PIK3R1: variants seen among roughly 807,000 people sequenced by gnomAD.
PIK3R1 encodes the protein phosphoinositide-3-kinase regulatory subunit 1, also known as phosphatidylinositol 3-kinase regulatory subunit alpha.
PIK3R1 carries 29 observed loss-of-function variants against 98.0 expected under a neutral mutation model. That is an observed-to-expected ratio of 0.30 (90% CI 0.22 to 0.40). The LOEUF is 0.40. PIK3R1 is among the 10% of genes least tolerant of loss of function. The pLI is 1.00. For synonymous variants in PIK3R1, 282 were observed against 311.8 expected (o/e 0.90, Z 1.01); for missense variants, 596 against 872.7 (o/e 0.68, Z 3.99).
chr5:68,264,063 A>G (rs1285290597), intron 2 of PIK3R1, among the ~76,000 whole-genome samples: 1 of 152,258 alleles, frequency 6.6e-6, no homozygotes, highest in Non-Finnish European at 1.5e-5. Context: ...TAAGTTAGCC[A>G]GCTATATTTA....
At chr5:68,292,541 C>T (rs900522729) in intron 8 of PIK3R1, 180 bp downstream of exon 8, 28 of 1,517,246 alleles carry the variant, frequency 1.8e-5, no homozygotes, top group Non-Finnish European at 2.2e-5. Context: ...CTGGATGCCA[C>T]AGGAAATTAA....
intron 2 of PIK3R1, among the ~76,000 whole-genome samples, chr5:68,259,932 A>G (rs1251921996): frequency 6.6e-6 from 1 of 152,200 alleles, no homozygotes; most frequent in Non-Finnish European, 1.5e-5. Context: ...GTACAGCTAT[A>G]TGAGCCTGGA....
At position 68,297,372 on chromosome 5, in the gene PIK3R1, G is replaced by A. The variant is rs562833321; in HGVS notation, c.1986-40G>A. ...GCCCTGAAGAGTTGTGAATTGTCTT[G>A]GACAAGCTCAAAAGACAGTTTTTCT... On this transcript the variant is annotated intron_variant, in intron 15 of 15. Transcript: ENST00000521381. The A allele has an allele frequency of 8.6e-6, 13 of 1,510,716 alleles. No individual in the cohort carries two copies. In the East Asian group the frequency reaches 2.5e-4, roughly 29 times the overall value. The allele number at this position is 1,510,716 out of a possible 1,614,324, so 93.6% of individuals were successfully genotyped here.
Position 68,226,738 on chromosome 5 carries a change from T to C in PIK3R1, c.63T>C (p.Asp21=), listed in dbSNP as rs755062301. 3 of 1,613,986 alleles carry C rather than the reference T, an allele frequency of 1.9e-6. No homozygotes were observed. The highest frequency in any genetic ancestry group is 1.1e-5 in the South Asian group (1 of 91,086). The part of the protein sequence containing the change: ...LYDYKKEREE[D]IDLHLGDILT... ...ATTATAAAAAGGAAAGAGAAGAAGATATTGACTTGCACTTGGGTGACATAT... is the reference window on the plus strand; with the variant it reads ...ATTATAAAAAGGAAAGAGAAGAAGACATTGACTTGCACTTGGGTGACATAT... Residue 21 remains aspartate (D), a synonymous_variant, in exon 2 of 16, where the codon GAT becomes GAC. Transcript: ENST00000521381.
At chr5:68,246,502 A>C (rs917234861) in intron 2 of PIK3R1, among the ~76,000 whole-genome samples, 1 of 151,946 alleles carries the variant, frequency 6.6e-6, no homozygotes, top group Non-Finnish European at 1.5e-5. Flanking sequence ...TAGTAGAGAC[A>C]GGGTTTCACC....
intron 7 of PIK3R1, among the ~76,000 whole-genome samples, chr5:68,282,951 C>T (rs1746911461): frequency 6.6e-6 from 1 of 152,196 alleles, no homozygotes; most frequent in East Asian, 1.9e-4. Flanking sequence ...CTCATGTGTG[C>T]ATACATTGTA....
At chr5:68,277,537 G>A (rs902857022) in intron 4 of PIK3R1, among the ~76,000 whole-genome samples, 5 of 152,148 alleles carry the variant, frequency 3.3e-5, no homozygotes, top group Admixed American at 1.3e-4. Context: ...CTTTCGGAAC[G>A]TCGGCCTACC....
intron 2 of PIK3R1, among the ~76,000 whole-genome samples, chr5:68,236,661 C>T (rs1444743182): frequency 6.6e-6 from 1 of 152,196 alleles, no homozygotes; most frequent in African/African-American, 2.4e-5. Context: ...GATTCAAGAA[C>T]ATTTTGGGCA....
intron 7 of PIK3R1, chr5:68,290,935 AATT>A: frequency 1.3e-6 from 1 of 741,758 alleles, no homozygotes; most frequent in South Asian, 2.3e-5. Context: ...TGTTTTTATT[AATT>A]TGTTTCATTG....
intron 2 of PIK3R1, among the ~76,000 whole-genome samples, chr5:68,270,347 ATT>A (rs1158108169): frequency 6.6e-6 from 1 of 152,186 alleles, no homozygotes; most frequent in East Asian, 1.9e-4. Flanking sequence ...TGTATGGAGC[ATT>A]TGCCAGCCCA....
chr5:68,290,430 C>T (rs1424577799), intron 7 of PIK3R1, among the ~76,000 whole-genome samples: 1 of 152,156 alleles, frequency 6.6e-6, no homozygotes, highest in Non-Finnish European at 1.5e-5. Context: ...TTAGAAAACT[C>T]GCTGCTGGAG....
In PIK3R1 at chr5:68,273,398, C is replaced by T. The variant is rs763574306; in HGVS notation, c.343C>T (p.Leu115Phe). The stretch of plus-strand genomic sequence containing the variant: ...GATTTTGTTGTTTGCAGCTTTGACT[C>T]TCCCGGATCTTGCAGAGCAGTTTGC... ...EADVEQQALT[L>F]PDLAEQFAPP... The change falls in exon 3 of 16, where the codon CTC becomes TTC. Residue 115 changes from leucine to phenylalanine, a missense_variant. By Grantham distance (22) the Leu-to-Phe change is conservative. Coordinates refer to ENST00000521381, the MANE Select transcript of PIK3R1 (RefSeq NM_181523.3). The T allele has an allele frequency of 9.3e-6, 15 of 1,613,904 alleles. No individual in the cohort carries two copies. Among genetic ancestry groups the T allele is most frequent in the Middle Eastern group, 3.3e-4 (2 of 6,082 alleles).
At chr5:68,232,796 G>C (rs1194110614) in intron 2 of PIK3R1, among the ~76,000 whole-genome samples, 2 of 152,178 alleles carry the variant, frequency 1.3e-5, no homozygotes, top group East Asian at 3.8e-4. Flanking sequence ...TGGGAAAAGG[G>C]TCCAGTGTCC....
Position 68,280,949 on chromosome 5 carries a change from A to T in PIK3R1, c.859A>T (p.Ile287Leu). 2.5e-6 allele frequency: 4 copies of T among 1,602,886 alleles called. No homozygotes were observed. Among genetic ancestry groups the T allele is most frequent in the Non-Finnish European group, 2.6e-6 (3 of 1,173,352 alleles). ...CAGCTCTGATAATACTGAAAACCTC[A>T]TAAAAGTTATAGAAATTTTAATCTC... ...AASSDNTENL[I>L]KVIEILISTE... Residue 287 changes from isoleucine (I) to leucine (L), a missense_variant, in exon 7 of 16, where the codon ATA (isoleucine) becomes TTA (leucine). Ile to Leu is a conservative substitution (Grantham distance 5, BLOSUM62 2). Transcript: ENST00000521381.
At chr5:68,273,339 T>C (rs1561284911) in intron 2 of PIK3R1, 51 bp from the exon 3 acceptor site, 3 of 1,442,630 alleles carry the variant, frequency 2.1e-6, no homozygotes, top group Non-Finnish European at 2.0e-6. Flanking sequence ...TGTGGTCTAA[T>C]GCATTCAACT....
intron 14 of PIK3R1, 29 bp downstream of exon 14, chr5:68,295,517 A>G (rs781408258): frequency 5.0e-6 from 8 of 1,590,260 alleles, no homozygotes; most frequent in Non-Finnish European, 6.9e-6. Context: ...TGGTGATAGC[A>G]GAAGATTTTT....
chr5:68,273,299 T>G, intron 2 of PIK3R1, 91 bp from the exon 3 acceptor site: 1 of 1,194,126 alleles, frequency 8.4e-7, no homozygotes, highest in Admixed American at 1.7e-5. Flanking sequence ...TCGGGCCTGA[T>G]GTAATTAAAT....
At chr5:68,242,906 A>G (rs2112029939) in intron 2 of PIK3R1, among the ~76,000 whole-genome samples, 1 of 152,324 alleles carries the variant, frequency 6.6e-6, no homozygotes, top group East Asian at 1.9e-4. Context: ...CCCCCATCTC[A>G]GAGGTTAACA....
chr5:68,296,750 GA>G (rs577114354), intron 15 of PIK3R1, among the ~76,000 whole-genome samples: 22 of 145,756 alleles, frequency 1.5e-4, no homozygotes, highest in African/African-American at 4.5e-4. Flanking sequence ...AGGAACAGGT[GA>G]AAAAAAAAAG....
Sources: gnomAD v4.1 joint callset for allele counts (sites outside exome capture counted in the v4.1 genomes callset) on GRCh38, gnomAD v4.1.1 for gene constraint, MANE v1.5 for transcripts, NCBI Gene and HGNC (gene_info 2026-07-23, HGNC 2026-07-21) for gene names.